Variants in CAMSAP3 observed in about 807,000 individuals in gnomAD.
CAMSAP3 encodes the protein calmodulin regulated spectrin associated protein family member 3.
In CAMSAP3, 34 loss-of-function variants were observed where a neutral mutation model predicts 112.5. The observed-to-expected ratio is 0.30, with a 90% CI of 0.23 to 0.40. CAMSAP3 has a LOEUF of 0.40. Among genes scored for constraint, CAMSAP3 ranks in the 10% least tolerant of loss-of-function variants. The pLI is 1.00. For missense variants in CAMSAP3, 1,602 were observed against 1,770.3 expected, an observed-to-expected ratio of 0.90 and a Z score of 1.71; for synonymous variants, 868 against 799.8, an observed-to-expected ratio of 1.09 and a Z score of -1.44.
rs769340686 is a variant in CAMSAP3 at position 7,612,212 on chromosome 19, G to T, written c.1719G>T (p.Gln573His). ...CCAGCTTTGCAGAACGCAAGAAACA[G>T]CTGGTGAAGGCAGAGGCTGAGGCCG... ...KMTSFAERKK[Q>H]LVKAEAEAGA... The change falls in exon 11 of 17, where the codon CAG (glutamine) becomes CAT (histidine). Residue 573 changes from glutamine to histidine, a missense_variant. Gln to His is a conservative substitution (Grantham distance 24). Coordinates refer to ENST00000160298, the MANE Select transcript of CAMSAP3 (RefSeq NM_020902.2). 4.6e-5 allele frequency: 74 copies of T among 1,600,336 alleles called. No homozygotes were observed. The East Asian group carries it at 1.7e-3, about 36-fold the overall frequency.
chr19:7,614,701 C>A (rs1413165930), intron 11 of CAMSAP3: 1 of 190,078 alleles, frequency 5.3e-6, no homozygotes, highest in East Asian at 1.5e-4. Flanking sequence ...CCACACTGGC[C>A]CCCTTGTACT....
rs1960645701 is a variant in CAMSAP3 at position 7,610,874 on chromosome 19, C to T, written c.995-3C>T. On this transcript the variant is annotated splice_region_variant and splice_polypyrimidine_tract_variant and intron_variant, in intron 7 of 16. Transcript: ENST00000160298. The surrounding 1 kb of genome is among the most constrained non-coding windows in gnomAD (Gnocchi z 4.9). Reference sequence around the variant, plus strand: ...CCGCCTGACCCTCTTCTCTGTACTGCAGCTGCCTCCCCCCGGGGCACTGAG... The same window carrying T: ...CCGCCTGACCCTCTTCTCTGTACTGTAGCTGCCTCCCCCCGGGGCACTGAG... The T allele has an allele frequency of 6.2e-7, 1 of 1,601,540 alleles. No homozygotes were observed. The highest frequency in any genetic ancestry group is 8.5e-7 in the Non-Finnish European group (1 of 1,174,694).
In CAMSAP3 at chr19:7,617,930, G is replaced by T. The variant is rs762811618; in HGVS notation, c.3623G>T (p.Arg1208Leu). ...GGCATCTACAAGTACAACTCGGACC[G>T]CAAGCGCTTCACCCAGATCCCCGCC... ...VEGIYKYNSD[R>L]KRFTQIPAKT... Residue 1208 changes from arginine (R) to leucine (L), a missense_variant, in exon 17 of 17, where the codon CGC (arginine) becomes CTC (leucine). By Grantham distance (102) the Arg-to-Leu change is moderately radical. Around this residue, in one of 6 missense-constraint regions of CAMSAP3, gnomAD observed 150 missense variants for 207.6 expected, o/e 0.72. Transcript: ENST00000160298. The surrounding 1 kb of genome is among the most constrained non-coding windows in gnomAD (Gnocchi z 7.5). 1 of 1,614,104 alleles carries T rather than the reference G, an allele frequency of 6.2e-7. No homozygotes were observed. Among genetic ancestry groups the T allele is most frequent in the Admixed American group, 1.7e-5 (1 of 60,030 alleles).
At chr19:7,597,363 A>G (rs2024462334) in intron 1 of CAMSAP3, among the ~76,000 whole-genome samples, 1 of 152,204 alleles carries the variant, frequency 6.6e-6, no homozygotes, top group Admixed American at 6.5e-5. Flanking sequence ...GGCATTGGAC[A>G]GCCAGGACAG....
At chr19:7,609,147 G>A (rs1196957257) in intron 5 of CAMSAP3, among the ~76,000 whole-genome samples, 1 of 151,408 alleles carries the variant, frequency 6.6e-6, no homozygotes, top group Admixed American at 6.6e-5. Context: ...TGGTGAAACC[G>A]TCTCTACTAA....
intron 1 of CAMSAP3, among the ~76,000 whole-genome samples, chr19:7,597,862 C>T (rs1266828868): frequency 6.6e-6 from 1 of 152,160 alleles, no homozygotes; most frequent in Non-Finnish European, 1.5e-5. Flanking sequence ...CCCTGACTCA[C>T]CCAGTTCTGT....
In CAMSAP3 at chr19:7,611,645, G is replaced by A. The variant is rs749731889; in HGVS notation, c.1194-42G>A. ...GAGCAGGCTAGGGCGGGTTGGGGCC[G>A]AGGCTGGTCCCAGGGGCTGACCCCT... On this transcript the variant is annotated intron_variant, in intron 10 of 16. Coordinates refer to ENST00000160298, the MANE Select transcript of CAMSAP3 (RefSeq NM_020902.2). This position sits in a 1 kb window ranked among gnomAD's most constrained non-coding sequence, Gnocchi z 6.9. 8.2e-6 allele frequency: 13 copies of A among 1,582,772 alleles called. No homozygotes were observed. Among genetic ancestry groups the A allele is most frequent in the South Asian group, 3.4e-5 (3 of 88,362 alleles).
At position 7,615,401 on chromosome 19, in the gene CAMSAP3, T is replaced by A. The variant is rs1018605935; in HGVS notation, c.2811-17T>A. On this transcript the variant is annotated splice_polypyrimidine_tract_variant and intron_variant, in intron 12 of 16. Coordinates refer to ENST00000160298, the MANE Select transcript of CAMSAP3 (RefSeq NM_020902.2). The surrounding 1 kb of genome is among the most constrained non-coding windows in gnomAD (Gnocchi z 6.5). ...ACCCCGTGAGCGGTTCTGATGCCGATTCCCTGTGATCTGCAGGCTGGCCCA... is the reference window on the plus strand; with the variant it reads ...ACCCCGTGAGCGGTTCTGATGCCGAATCCCTGTGATCTGCAGGCTGGCCCA... 6.5e-7 allele frequency: 1 copy of A among 1,539,146 alleles called. No individual in the cohort carries two copies. Among genetic ancestry groups the A allele is most frequent in the African/African-American group, 1.4e-5 (1 of 72,844 alleles).
chr19:7,609,666 A>G (rs938639190), intron 5 of CAMSAP3, among the ~76,000 whole-genome samples: 66 of 152,196 alleles, frequency 4.3e-4, no homozygotes, highest in African/African-American at 1.4e-3. Flanking sequence ...GTTGTAACAT[A>G]GAATGAAATA....
intron 1 of CAMSAP3, among the ~76,000 whole-genome samples, chr19:7,603,851 C>T (rs554833021): frequency 1.3e-5 from 2 of 151,738 alleles, no homozygotes; most frequent in South Asian, 4.2e-4. Context: ...GAAGGCTGTG[C>T]AGGCTGGGCG....
At chr19:7,602,910 C>G (rs2030033125) in intron 1 of CAMSAP3, among the ~76,000 whole-genome samples, 1 of 148,526 alleles carries the variant, frequency 6.7e-6, no homozygotes, top group Admixed American at 6.7e-5. Flanking sequence ...CAGCATCGAG[C>G]TCAGGGAAAT....
chr19:7,601,727 T>A (rs1448224646), intron 1 of CAMSAP3, among the ~76,000 whole-genome samples: 1 of 147,576 alleles, frequency 6.8e-6, no homozygotes, highest in Non-Finnish European at 1.5e-5. Flanking sequence ...TAAAATAAAA[T>A]AAAATAAAAT....
Position 7,610,481 on chromosome 19 carries a change from T to C in CAMSAP3, c.766T>C (p.Cys256Arg). Reference sequence around the variant, plus strand: ...CACTCCTCCTGTCCCCACAGAGGTGTGCTTGAAGGACCCCATGTCTGTGGC... The same window carrying C: ...CACTCCTCCTGTCCCCACAGAGGTGCGCTTGAAGGACCCCATGTCTGTGGC... ...CPQLLRLEEV[C>R]LKDPMSVADS... Residue 256 changes from cysteine to arginine, a missense_variant, in exon 6 of 17, where the codon TGC (cysteine) becomes CGC (arginine). Cys to Arg is a radical substitution (Grantham distance 180). Transcript: ENST00000160298. The surrounding 1 kb of genome is among the most constrained non-coding windows in gnomAD (Gnocchi z 4.9). 1.2e-6 allele frequency: 2 copies of C among 1,611,468 alleles called. No individual in the cohort carries two copies. Among genetic ancestry groups the C allele is most frequent in the Non-Finnish European group, 1.7e-6 (2 of 1,179,010 alleles).
At chr19:7,605,994 C>T (rs2030195411) in intron 2 of CAMSAP3, among the ~76,000 whole-genome samples, 1 of 152,150 alleles carries the variant, frequency 6.6e-6, no homozygotes, top group Non-Finnish European at 1.5e-5. Context: ...AAAGGCGCTA[C>T]TCTGGCCCTT....
intron 2 of CAMSAP3, 145 bp downstream of exon 2, chr19:7,605,624 C>T (rs2030173086): frequency 1.0e-6 from 1 of 997,752 alleles, no homozygotes; most frequent in African/African-American, 1.7e-5. Flanking sequence ...TAGCTCCTCC[C>T]ATCAGGCTTG....
At chr19:7,599,065 G>T (rs1013723946) in intron 1 of CAMSAP3, among the ~76,000 whole-genome samples, 3 of 152,026 alleles carry the variant, frequency 2.0e-5, no homozygotes, top group East Asian at 1.9e-4. Flanking sequence ...CAGCTACTCA[G>T]GAGGCTGAGG....
chr19:7,613,983 C>T (rs1599361053), intron 11 of CAMSAP3, among the ~76,000 whole-genome samples: 1 of 152,084 alleles, frequency 6.6e-6, no homozygotes, highest in Non-Finnish European at 1.5e-5. Context: ...CCAGGGTGGC[C>T]GGGCGCAGTG....
Position 7,611,536 on chromosome 19 carries a change from G to A in CAMSAP3, c.1143G>A (p.Pro381=), listed in dbSNP as rs114173574. ...CCCCAGGCTCCCTGAAGTCTTCCCC[G>A]TCCATGTCCCATATGGAGGCCCTGG... ...RGSTGSLKSS[P]SMSHMEALGK... Residue 381 remains proline, a synonymous_variant, in exon 10 of 17, where the codon CCG becomes CCA. Transcript: ENST00000160298. This position sits in a 1 kb window ranked among gnomAD's most constrained non-coding sequence, Gnocchi z 6.9. The A allele has an allele frequency of 1.6e-3, 2,628 of 1,612,404 alleles. 40 individuals carry two copies. The African/African-American group carries it at 0.03, about 19-fold the overall frequency.
rs1358934002 is a variant in CAMSAP3, at chr19:7,613,007, C to T, written c.2514C>T (p.Ala838=). The T allele has an allele frequency of 2.6e-6, 4 of 1,566,726 alleles. No homozygotes were observed. Among genetic ancestry groups the T allele is most frequent in the Admixed American group, 1.8e-5 (1 of 54,174 alleles). Residue 838 remains alanine, a synonymous_variant, in exon 11 of 17, where the codon GCC becomes GCT. Transcript: ENST00000160298. ...LAEETPPEEP[A]ARPGLIEIPL... ...AGGAGACGCCCCCCGAGGAGCCAGCCGCCCGGCCGGGCCTCATCGAGATCC... is the reference window on the plus strand; with the variant it reads ...AGGAGACGCCCCCCGAGGAGCCAGCTGCCCGGCCGGGCCTCATCGAGATCC...
Sources: allele counts gnomAD v4.1 joint callset (sites outside exome capture counted in the v4.1 genomes callset), GRCh38; gene constraint gnomAD v4.1.1; regional missense constraint gnomAD v4.1.1; non-coding constraint Gnocchi (gnomAD v3.1); transcripts MANE v1.5; gene names NCBI Gene and HGNC (gene_info 2026-07-23, HGNC 2026-07-21).